PLCL1: variants seen among roughly 807,000 people sequenced by gnomAD.
PLCL1 encodes inactive phospholipase C-like protein 1.
PLCL1 carries 41 observed loss-of-function variants against 84.4 expected under a neutral mutation model. The observed-to-expected ratio is 0.49, with a 90% confidence interval of 0.38 to 0.63. The LOEUF (loss-of-function observed/expected upper bound fraction) is 0.63, where lower values mean the gene tolerates loss of function less well. Among genes scored for constraint, PLCL1 ranks in the 30% least tolerant of loss-of-function variants. The pLI is 0.00. For synonymous variants in PLCL1, 490 were observed against 488.3 expected, an observed-to-expected ratio of 1.00 and a Z score of -0.05; for missense variants, 1,206 against 1,367.8, an observed-to-expected ratio of 0.88 and a Z score of 1.87.
chr2:197,987,499 G>C (rs949750458), intron 1 of PLCL1, among the ~76,000 whole-genome samples: 1 of 152,026 alleles, frequency 6.6e-6, no homozygotes, highest in African/African-American at 2.4e-5. Context: ...AATCATTTAG[G>C]GTACCTACCT....
chr2:198,089,071 T>A lies in PLCL1; in HGVS notation c.2919+10T>A. Reference sequence around the variant, plus strand: ...GACTGCTTATGATCTGGTAGGAAATTGCGACTCCATATTTTTTTACGTGTG... The same window carrying A: ...GACTGCTTATGATCTGGTAGGAAATAGCGACTCCATATTTTTTTACGTGTG... On this transcript the variant is annotated intron_variant, in intron 3 of 5. Coordinates refer to ENST00000428675, the MANE Select transcript of PLCL1 (RefSeq NM_006226.4). The A allele has an allele frequency of 6.2e-7, 1 of 1,605,394 alleles. No homozygotes were observed. The highest frequency in any genetic ancestry group is 8.5e-7 in the Non-Finnish European group (1 of 1,172,214).
intron 1 of PLCL1, among the ~76,000 whole-genome samples, chr2:197,970,027 C>T (rs1053128787): frequency 6.6e-6 from 1 of 152,174 alleles, no homozygotes; most frequent in Non-Finnish European, 1.5e-5. Flanking sequence ...ATATGATAGC[C>T]ACCAGCTATA....
At chr2:197,978,999 T>A (rs990006758) in intron 1 of PLCL1, among the ~76,000 whole-genome samples, 1 of 152,268 alleles carries the variant, frequency 6.6e-6, no homozygotes, top group Non-Finnish European at 1.5e-5. Context: ...AAGGACCTGC[T>A]GTACATCCAC....
In PLCL1 at chr2:197,874,759, A is replaced by G. The variant is rs536024665; in HGVS notation, c.240+69420A>G. ...ACACTAAGGTTTCTTATGCATTGAT[A>G]GCATATAGTATATTTTATGCTTGTT... On this transcript the variant is annotated intron_variant, in intron 1 of 5. Transcript: ENST00000428675. Among the ~76,000 whole-genome samples the G allele has an allele frequency of 9.3e-4, 142 of 152,312 alleles. 2 individuals carry two copies. Among genetic ancestry groups the G allele is most frequent in the Non-Finnish European group, 2.8e-4 (19 of 68,006 alleles).
At chr2:198,009,102 A>T (rs1574243166) in intron 1 of PLCL1, among the ~76,000 whole-genome samples, 2 of 151,832 alleles carry the variant, frequency 1.3e-5, no homozygotes. Flanking sequence ...CCCTTTTCAG[A>T]TATATTATTT....
chr2:197,953,448 T>C (rs1272165367), intron 1 of PLCL1, among the ~76,000 whole-genome samples: 3 of 152,034 alleles, frequency 2.0e-5, no homozygotes, highest in Non-Finnish European at 4.4e-5. Context: ...AGTCTTGATA[T>C]CAACCAAGAA....
In PLCL1 at chr2:198,084,033, G is replaced by T; in HGVS notation, c.516G>T (p.Thr172=). The T allele has an allele frequency of 2.5e-6, 4 of 1,614,142 alleles. No individual in the cohort carries two copies. The highest frequency in any genetic ancestry group is 3.4e-6 in the Non-Finnish European group (4 of 1,180,008). The change falls in exon 2 of 6, where the codon ACG becomes ACT. Residue 172 remains threonine (T), a synonymous_variant. Coordinates refer to ENST00000428675, the MANE Select transcript of PLCL1 (RefSeq NM_006226.4). ...AAGAGATCAGACTGGGGAAAAACAC[G>T]GAAACATTTAGAAACAATGGCCTTG... is the stretch of plus-strand genomic sequence containing the variant. ...AIKEIRLGKN[T]ETFRNNGLAD... is the part of the protein sequence containing the mutation.
chr2:198,125,033 A>C (rs1484454041), intron 5 of PLCL1, among the ~76,000 whole-genome samples: 1 of 152,126 alleles, frequency 6.6e-6, no homozygotes, highest in Non-Finnish European at 1.5e-5. Flanking sequence ...TGGACAACAG[A>C]GATACAGAAT....
chr2:197,836,720 A>T (rs1191732113), intron 1 of PLCL1, among the ~76,000 whole-genome samples: 1 of 152,110 alleles, frequency 6.6e-6, no homozygotes, highest in African/African-American at 2.4e-5. Flanking sequence ...AAAAATATTT[A>T]CTGGGCAATT....
At chr2:198,127,843 C>T (rs1694025293) in intron 5 of PLCL1, among the ~76,000 whole-genome samples, 1 of 152,126 alleles carries the variant, frequency 6.6e-6, no homozygotes, top group Admixed American at 6.5e-5. Flanking sequence ...AGGGGAGCCA[C>T]CTGCTGGACA....
chr2:197,854,208 A>G (rs1243496987), intron 1 of PLCL1, among the ~76,000 whole-genome samples: 1 of 152,214 alleles, frequency 6.6e-6, no homozygotes, highest in Non-Finnish European at 1.5e-5. Context: ...TTGTTGAAGA[A>G]GGAGGGTACT....
At chr2:197,869,018 A>G (rs1265525675) in intron 1 of PLCL1, among the ~76,000 whole-genome samples, 1 of 152,174 alleles carries the variant, frequency 6.6e-6, no homozygotes, top group East Asian at 1.9e-4. Flanking sequence ...AAAGCTTCAG[A>G]CAGTTTGAGT....
chr2:198,002,668 A>C (rs1017573639), intron 1 of PLCL1, among the ~76,000 whole-genome samples: 2 of 152,232 alleles, frequency 1.3e-5, no homozygotes, highest in African/African-American at 4.8e-5. Flanking sequence ...ATAAACTCAG[A>C]AAAAGCTAAA....
At chr2:198,001,374 C>T (rs1200134582) in intron 1 of PLCL1, among the ~76,000 whole-genome samples, 1 of 152,176 alleles carries the variant, frequency 6.6e-6, no homozygotes, top group Non-Finnish European at 1.5e-5. Context: ...GAGTGTACAA[C>T]TCTATGAATT....
intron 1 of PLCL1, among the ~76,000 whole-genome samples, chr2:197,841,461 A>G (rs1300331133): frequency 1.3e-5 from 2 of 152,158 alleles, no homozygotes; most frequent in South Asian, 2.1e-4. Context: ...GTTGGACTCA[A>G]CTATGTATAG....
intron 1 of PLCL1, among the ~76,000 whole-genome samples, chr2:197,834,926 C>T (rs796492556): frequency 5.9e-5 from 9 of 152,202 alleles, no homozygotes; most frequent in African/African-American, 1.9e-4. Flanking sequence ...TAGACTGGAT[C>T]AAGAAAATGT....
chr2:197,929,971 A>T (rs1272016826), intron 1 of PLCL1, among the ~76,000 whole-genome samples: 1 of 152,210 alleles, frequency 6.6e-6, no homozygotes, highest in Non-Finnish European at 1.5e-5. Context: ...TGATACACAG[A>T]TGTCTCACTG....
chr2:197,963,100 G>A (rs1475533924), intron 1 of PLCL1, among the ~76,000 whole-genome samples: 4 of 152,036 alleles, frequency 2.6e-5, no homozygotes, highest in Non-Finnish European at 5.9e-5. Context: ...CTAGCAGTAG[G>A]ATTGCTGGAT....
chr2:197,811,586 C>A (rs180912522), intron 1 of PLCL1, among the ~76,000 whole-genome samples: 184 of 152,204 alleles, frequency 1.2e-3, no homozygotes, highest in African/African-American at 4.2e-3. Flanking sequence ...TCTATCAAGG[C>A]AAAACAACAT....
Sources: gnomAD v4.1 joint callset for allele counts (sites outside exome capture counted in the v4.1 genomes callset) on GRCh38, gnomAD v4.1.1 for gene constraint, MANE v1.5 for transcripts, NCBI Gene and HGNC (gene_info 2026-07-23, HGNC 2026-07-21) for gene names.